Variants in ADGRL2 observed in about 807,000 individuals in gnomAD.
ADGRL2 encodes adhesion G protein-coupled receptor L2.
A neutral mutation model predicts 157.4 loss-of-function variants in ADGRL2; 44 were observed. The observed-to-expected ratio is 0.28, with a 90% confidence interval of 0.22 to 0.36. ADGRL2 has a LOEUF of 0.36. Among genes scored for constraint, ADGRL2 ranks in the 10% least tolerant of loss-of-function variants. The pLI, the probability that ADGRL2 is intolerant of heterozygous loss-of-function variation, is 1.00. For synonymous variants in ADGRL2, 585 were observed against 624.7 expected (o/e 0.94, Z 0.95); for missense variants, 1,510 against 1,768.9 (o/e 0.85, Z 2.63).
intron 1 of ADGRL2, among the ~76,000 whole-genome samples, chr1:81,404,718 T>G: frequency 6.6e-6 from 1 of 152,220 alleles, no homozygotes; most frequent in East Asian, 1.9e-4. Context: ...TTCCTCAGAC[T>G]AATACATTTC....
intron 1 of ADGRL2, among the ~76,000 whole-genome samples, chr1:81,415,792 C>G (rs1262483106): frequency 6.6e-6 from 1 of 151,900 alleles, no homozygotes; most frequent in African/African-American, 2.4e-5. Flanking sequence ...TAAACACCTG[C>G]TGAATGGATG....
chr1:81,352,636 T>C (rs772788236), intron 1 of ADGRL2, among the ~76,000 whole-genome samples: 5 of 152,188 alleles, frequency 3.3e-5, no homozygotes, highest in Non-Finnish European at 7.3e-5. Flanking sequence ...ATGGCCTTCC[T>C]ATCAACTTAA....
At chr1:81,336,239 A>G (rs1401442524) in intron 1 of ADGRL2, among the ~76,000 whole-genome samples, 1 of 152,202 alleles carries the variant, frequency 6.6e-6, no homozygotes, top group Admixed American at 6.5e-5. Flanking sequence ...CCTTTTGTGC[A>G]AGCTATAATA....
chr1:81,833,924 CAG>C (rs1444028337), intron 1 of ADGRL2, among the ~76,000 whole-genome samples: 2 of 152,024 alleles, frequency 1.3e-5, no homozygotes, highest in Non-Finnish European at 2.9e-5. Flanking sequence ...AAAAAAATGA[CAG>C]AGGTTTGGTA....
At chr1:81,769,676 C>T (rs1451423196) in intron 2 of ADGRL2, among the ~76,000 whole-genome samples, 1 of 151,922 alleles carries the variant, frequency 6.6e-6, no homozygotes, top group Non-Finnish European at 1.5e-5. Context: ...CTCTTCTATA[C>T]AAATCTTGGA....
intron 2 of ADGRL2, among the ~76,000 whole-genome samples, chr1:81,459,699 TATATACACACACACAC>T (rs1016755651): frequency 1.8e-4 from 27 of 151,900 alleles, no homozygotes; most frequent in Non-Finnish European, 2.4e-4. Flanking sequence ...TGTGTATATA[TATATACACACACACAC>T]ATATACACAC....
Position 81,356,207 on chromosome 1 carries a change from T to C in ADGRL2, c.-302+49698T>C, listed in dbSNP as rs890528014. 2.6e-5 allele frequency among the ~76,000 whole-genome samples: 4 copies of C among 152,210 alleles called. No homozygotes were observed. In the East Asian group the frequency reaches 7.7e-4, roughly 29 times the overall value. ...TAGATTTAAAATGAGCTAAGAGACA[T>C]GGTGTTTTCTCTAACAGGAATGTTA... is the stretch of plus-strand genomic sequence containing the variant. On this transcript the variant is annotated intron_variant, in intron 1 of 24. Coordinates refer to the ADGRL2 transcript ENST00000370721.
intron 1 of ADGRL2, among the ~76,000 whole-genome samples, chr1:81,314,410 G>C (rs1320445030): frequency 2.0e-5 from 3 of 152,146 alleles, no homozygotes; most frequent in African/African-American, 7.2e-5. Flanking sequence ...AGAAAGGAGA[G>C]AGTGGATTAT....
At chr1:81,391,852 A>G (rs2076565231) in intron 1 of ADGRL2, among the ~76,000 whole-genome samples, 1 of 152,210 alleles carries the variant, frequency 6.6e-6, no homozygotes, top group Non-Finnish European at 1.5e-5. Context: ...GAGTTTTGAA[A>G]TGCAATACAT....
At chr1:81,387,528 G>A (rs1432500070) in intron 1 of ADGRL2, among the ~76,000 whole-genome samples, 2 of 152,074 alleles carry the variant, frequency 1.3e-5, no homozygotes, top group African/African-American at 4.8e-5. Context: ...AACTGTATGA[G>A]GTAAGTACTG....
intron 3 of ADGRL2, among the ~76,000 whole-genome samples, chr1:81,684,630 T>C (rs113443680): frequency 0.011 from 1,663 of 152,320 alleles, 32 homozygotes; most frequent in African/African-American, 0.038. Context: ...AAAAGCTCTT[T>C]CGTTGAATTA....
rs531206157 is a variant in ADGRL2 at position 81,886,719 on chromosome 1, TAAAC to T, written c.74-20294_74-20291del. Among the ~76,000 whole-genome samples, 517 of 152,364 alleles carry T rather than the reference TAAAC, an allele frequency of 3.4e-3. 2 individuals are homozygous for T. The highest frequency in any genetic ancestry group is 0.012 in the African/African-American group (496 of 41,588). On this transcript the variant is annotated intron_variant, in intron 2 of 23. Transcript: ENST00000686636. ...GGCTTTTCAACCTATGATTTTTATTTAAACAAAACCTTTCAAATAAAAATAATTT... is the reference window on the plus strand; with the variant it reads ...GGCTTTTCAACCTATGATTTTTATTTAAAACCTTTCAAATAAAAATAATTT...
intron 2 of ADGRL2, among the ~76,000 whole-genome samples, chr1:81,843,954 G>A (rs1207997167): frequency 1.3e-5 from 2 of 151,728 alleles, no homozygotes; most frequent in East Asian, 3.9e-4. Context: ...AGTCTTCGTT[G>A]ATTCACCAGT....
intron 2 of ADGRL2, among the ~76,000 whole-genome samples, chr1:81,492,331 A>G (rs574748781): frequency 1.6e-4 from 25 of 152,318 alleles, no homozygotes; most frequent in African/African-American, 6.0e-4. Flanking sequence ...ATATCTTTGT[A>G]AAATAACCAA....
chr1:81,493,917 G>T (rs964506763), intron 2 of ADGRL2, among the ~76,000 whole-genome samples: 1 of 152,084 alleles, frequency 6.6e-6, no homozygotes, highest in African/African-American at 2.4e-5. Flanking sequence ...CAGCTGTATT[G>T]TTCTCAGTCT....
At chr1:81,840,625 C>T (rs2092536498) in intron 2 of ADGRL2, among the ~76,000 whole-genome samples, 1 of 152,014 alleles carries the variant, frequency 6.6e-6, no homozygotes, top group East Asian at 1.9e-4. Flanking sequence ...TCAAGTCTTA[C>T]CCATTAAAAT....
chr1:81,403,093 A>C (rs749661556), intron 1 of ADGRL2, among the ~76,000 whole-genome samples: 3 of 152,228 alleles, frequency 2.0e-5, no homozygotes, highest in Non-Finnish European at 4.4e-5. Flanking sequence ...AGGCCTAACC[A>C]ACAGGTCTTT....
intron 2 of ADGRL2, among the ~76,000 whole-genome samples, chr1:81,843,027 T>G (rs1316133847): frequency 6.6e-6 from 1 of 152,176 alleles, no homozygotes; most frequent in African/African-American, 2.4e-5. Context: ...ATTAAATTAA[T>G]AGGAATTGTG....
intron 2 of ADGRL2, among the ~76,000 whole-genome samples, chr1:81,500,203 G>T (rs1480887469): frequency 6.6e-6 from 1 of 152,194 alleles, no homozygotes; most frequent in African/African-American, 2.4e-5. Flanking sequence ...TGCTGTTAGT[G>T]GGGATGTAAA....
Sources: allele counts gnomAD v4.1 joint callset (sites outside exome capture counted in the v4.1 genomes callset), GRCh38; gene constraint gnomAD v4.1.1; transcripts MANE v1.5; gene names NCBI Gene and HGNC (gene_info 2026-07-23, HGNC 2026-07-21).